CPNE3: variants seen among roughly 807,000 people sequenced by gnomAD.
CPNE3 encodes copine 3, also known as copine-3.
A neutral mutation model predicts 63.9 loss-of-function variants in CPNE3; 68 were observed. The observed-to-expected ratio is 1.06, with a 90% CI of 0.87 to 1.30. CPNE3 has a LOEUF of 1.30. Among genes scored for constraint, CPNE3 ranks in the 50% most tolerant of loss-of-function variants. The pLI is 0.00. For synonymous variants in CPNE3, 219 were observed against 197.5 expected, an observed-to-expected ratio of 1.11 and a Z score of -0.91; for missense variants, 665 against 578.1, an observed-to-expected ratio of 1.15 and a Z score of -1.54.
At chr8:86,557,459 A>G (rs573472290) in intron 16 of CPNE3, among the ~76,000 whole-genome samples, 14 of 152,314 alleles carry the variant, frequency 9.2e-5, no homozygotes, top group South Asian at 6.2e-4. Flanking sequence ...TTGAGCAAAC[A>G]TAAGTTTTTA....
intron 6 of CPNE3, among the ~76,000 whole-genome samples, chr8:86,533,685 T>C (rs1820735051): frequency 6.6e-6 from 1 of 152,102 alleles, no homozygotes; most frequent in South Asian, 2.1e-4. Context: ...TTTCCACAAT[T>C]ATAACTCATG....
intron 9 of CPNE3, 158 bp downstream of exon 9, chr8:86,544,996 A>T: frequency 2.6e-6 from 1 of 383,960 alleles, no homozygotes; most frequent in Non-Finnish European, 4.6e-6. Context: ...TCCACAATTC[A>T]TACTTGGGGC....
In CPNE3 at chr8:86,561,211, C is replaced by G. The variant is rs1176668470; in HGVS notation, c.*2801C>G. On this transcript the variant is annotated 3_prime_UTR_variant, in exon 17 of 17. Coordinates refer to ENST00000517490, the MANE Select transcript of CPNE3 (RefSeq NM_003909.5). ...TGGAAAGCTGTCTTCACTAAGTATC[C>G]CCTAGTCTCTATATATGTGGTTAGT... The G allele has an allele frequency of 6.6e-6, 1 of 152,040 alleles. No homozygotes were observed. 9.4% of individuals were successfully genotyped at this position (152,040 alleles called of 1,614,324 possible).
Position 86,548,349 on chromosome 8 carries a change from T to C in CPNE3, c.928T>C (p.Ser310Pro). Residue 310 changes from serine (S) to proline (P), a missense_variant, in exon 12 of 17, where the codon TCC (serine) becomes CCC (proline). Physicochemically the swap from Ser to Pro is moderately conservative, Grantham distance 74. Transcript: ENST00000517490. The stretch of plus-strand genomic sequence containing the variant: ...CAATGGTGACCCAAGGTCTCCAGAC[T>C]CCCTTCATTACATCAGCCCCAATGG... The part of the protein sequence containing the change: ...GSNGDPRSPD[S>P]LHYISPNGVN... 1 of 1,614,126 alleles carries C rather than the reference T, an allele frequency of 6.2e-7. No homozygotes were observed. The highest frequency in any genetic ancestry group is 2.2e-5 in the East Asian group (1 of 44,874).
At position 86,558,748 on chromosome 8, in the gene CPNE3, G is replaced by C. The variant is rs1367651118; in HGVS notation, c.*338G>C. The C allele has an allele frequency of 3.9e-6, 1 of 258,462 alleles. No homozygotes were observed. The highest frequency in any genetic ancestry group is 7.6e-6 in the Non-Finnish European group (1 of 130,794). 16.0% of individuals were successfully genotyped at this position (258,462 alleles called of 1,614,324 possible). ...GTGTTTAAGTGTTTGTCAATAGGAAGAATGGAAAACTGTTGGGATGATGTG... is the reference window on the plus strand; with the variant it reads ...GTGTTTAAGTGTTTGTCAATAGGAACAATGGAAAACTGTTGGGATGATGTG... On this transcript the variant is annotated 3_prime_UTR_variant, in exon 17 of 17. Coordinates refer to ENST00000517490, the MANE Select transcript of CPNE3 (RefSeq NM_003909.5).
Position 86,531,698 on chromosome 8 carries a change from C to A in CPNE3, c.387+469C>A, listed in dbSNP as rs1252381244. Among the ~76,000 whole-genome samples the A allele has an allele frequency of 2.0e-5, 3 of 152,060 alleles. No individual in the cohort carries two copies. In the East Asian group the frequency reaches 5.8e-4, roughly 29 times the overall value. On this transcript the variant is annotated intron_variant, in intron 5 of 16. Transcript: ENST00000517490. ...CATTTTTTGTGCTTGCTATCTGCTG[C>A]CCATCCTTCCACCTGGGCTTTTCAT...
chr8:86,544,639 T>C, intron 8 of CPNE3, 101 bp from the exon 9 acceptor site: 1 of 455,856 alleles, frequency 2.2e-6, no homozygotes, highest in Non-Finnish European at 3.4e-6. Flanking sequence ...TCATTTACTT[T>C]AATTAAAAGG....
chr8:86,555,856 A>G (rs1355481601), intron 15 of CPNE3, among the ~76,000 whole-genome samples: 2 of 152,242 alleles, frequency 1.3e-5, no homozygotes, highest in Non-Finnish European at 2.9e-5. Flanking sequence ...TTTGACATTT[A>G]GATGTCCTGC....
At chr8:86,550,827 C>CTA (rs1821157473) in intron 12 of CPNE3, among the ~76,000 whole-genome samples, 1 of 152,062 alleles carries the variant, frequency 6.6e-6, no homozygotes. Flanking sequence ...TCTACAAAAT[C>CTA]TATAGAAAGA....
At chr8:86,537,763 C>T in intron 7 of CPNE3, 117 bp downstream of exon 7, 1 of 665,468 alleles carries the variant, frequency 1.5e-6, no homozygotes, top group Non-Finnish European at 2.7e-6. Flanking sequence ...TACATATAGC[C>T]AGAGACACAA....
chr8:86,516,758 G>C (rs1189202374), intron 2 of CPNE3, among the ~76,000 whole-genome samples: 2 of 151,946 alleles, frequency 1.3e-5, no homozygotes, highest in African/African-American at 4.8e-5. Context: ...CTATCACTGG[G>C]CTTTTTTTCT....
chr8:86,537,183 A>C (rs74457876), intron 6 of CPNE3, among the ~76,000 whole-genome samples: 1,819 of 152,252 alleles, frequency 0.012, 33 homozygotes, highest in African/African-American at 0.041. Context: ...GTCTCCATAG[A>C]GTTGGTATGG....
intron 2 of CPNE3, among the ~76,000 whole-genome samples, chr8:86,519,811 T>C (rs1195016866): frequency 6.6e-6 from 1 of 152,238 alleles, no homozygotes; most frequent in East Asian, 1.9e-4. Flanking sequence ...CCTCCCTGGT[T>C]CAAGCGATTC....
chr8:86,560,294 CTT>C lies in CPNE3; in HGVS notation c.*1887_*1888del, dbSNP rs1821410396. 1 of 152,148 alleles carries C rather than the reference CTT, an allele frequency of 6.6e-6. No homozygotes were observed. Among genetic ancestry groups the C allele is most frequent in the African/African-American group, 2.4e-5 (1 of 41,434 alleles). 9.4% of individuals were successfully genotyped at this position (152,148 alleles called of 1,614,324 possible). On this transcript the variant is annotated 3_prime_UTR_variant, in exon 17 of 17. Coordinates refer to ENST00000517490, the MANE Select transcript of CPNE3 (RefSeq NM_003909.5). ...GTTGCTGTGGTTTTCAGAATTTTCT[CTT>C]TTAATCACAAGAAGCCTTTTAAAAA...
intron 15 of CPNE3, 142 bp downstream of exon 15, chr8:86,555,126 T>TTTG: frequency 8.2e-7 from 1 of 1,212,890 alleles, no homozygotes; most frequent in Non-Finnish European, 1.1e-6. Flanking sequence ...GGGAGTAACT[T>TTTG]TTGTTGTTGT....
At chr8:86,534,421 C>T (rs1820756063) in intron 6 of CPNE3, among the ~76,000 whole-genome samples, 1 of 152,060 alleles carries the variant, frequency 6.6e-6, no homozygotes, top group South Asian at 2.1e-4. Context: ...TTTGGGAGGC[C>T]GAGGTAGGTG....
Position 86,559,208 on chromosome 8 carries a change from T to G in CPNE3, c.*798T>G, listed in dbSNP as rs1040626101. On this transcript the variant is annotated 3_prime_UTR_variant, in exon 17 of 17. Transcript: ENST00000517490. Reference sequence around the variant, plus strand: ...ATATTGTAGATGCACAGATGGTAGGTTGTCCTGAATTCTACATTATTAGAT... The same window carrying G: ...ATATTGTAGATGCACAGATGGTAGGGTGTCCTGAATTCTACATTATTAGAT... 2.6e-5 allele frequency: 4 copies of G among 152,146 alleles called. No individual in the cohort carries two copies. Among genetic ancestry groups the G allele is most frequent in the Non-Finnish European group, 2.9e-5 (2 of 68,028 alleles). 9.4% of individuals were successfully genotyped at this position (152,146 alleles called of 1,614,324 possible).
At chr8:86,552,010 T>G (rs1022450774) in intron 14 of CPNE3, among the ~76,000 whole-genome samples, 4 of 152,150 alleles carry the variant, frequency 2.6e-5, no homozygotes, top group East Asian at 1.9e-4. Flanking sequence ...AAGTGCTGCT[T>G]CTTTTTTTTA....
chr8:86,516,552 C>CTTAT (rs976218417), intron 2 of CPNE3, among the ~76,000 whole-genome samples: 1 of 152,012 alleles, frequency 6.6e-6, no homozygotes, highest in African/African-American at 2.4e-5. Flanking sequence ...CTTTTATTTA[C>CTTAT]TTATTTATTT....
Sources: allele counts gnomAD v4.1 joint callset (sites outside exome capture counted in the v4.1 genomes callset), GRCh38; gene constraint gnomAD v4.1.1; transcripts MANE v1.5; gene names NCBI Gene and HGNC (gene_info 2026-07-23, HGNC 2026-07-21).